NAV3: variants seen among roughly 807,000 people sequenced by gnomAD.
NAV3 encodes the protein pore membrane and/or filament interacting like protein 1.
NAV3 carries 87 observed loss-of-function variants against 244.7 expected under a neutral mutation model. That is an observed-to-expected ratio of 0.36 (90% confidence interval 0.30 to 0.42). The LOEUF is 0.42. NAV3 is among the 20% of genes least tolerant of loss of function. The pLI, the probability that NAV3 is intolerant of heterozygous loss-of-function variation, is 1.00. For synonymous variants in NAV3, 1,126 were observed against 1,042.2 expected (o/e 1.08, Z -1.55); for missense variants, 2,663 against 2,893.3 (o/e 0.92, Z 1.83).
rs2138695548 is a variant in NAV3, at chr12:78,122,229, G to A, written c.4039G>A (p.Ala1347Thr). Reference sequence around the variant, plus strand: ...TTTCACATCAGGTGGTCTCGTGTGGGCTGCCAATATGAGCAGTTCCTCTGC... The same window carrying A: ...TTTCACATCAGGTGGTCTCGTGTGGACTGCCAATATGAGCAGTTCCTCTGC... ...HSFTSGGLVW[A>T]ANMSSSSAGS... is the part of the protein sequence containing the mutation. The change falls in exon 16 of 40, where the codon GCT becomes ACT. Residue 1347 changes from alanine to threonine, a missense_variant. Ala to Thr is a moderately conservative substitution (Grantham distance 58). Transcript: ENST00000397909. The A allele has an allele frequency of 6.2e-7, 1 of 1,614,098 alleles. No individual in the cohort carries two copies. The highest frequency in any genetic ancestry group is 8.5e-7 in the Non-Finnish European group (1 of 1,180,008).
intron 2 of NAV3, among the ~76,000 whole-genome samples, chr12:77,601,909 G>C (rs1565732308): frequency 6.6e-6 from 1 of 151,948 alleles, no homozygotes; most frequent in Non-Finnish European, 1.5e-5. Flanking sequence ...TTGAAGGTAG[G>C]GGATGAAGTT....
chr12:77,951,597 C>A (rs577615518), intron 3 of NAV3, among the ~76,000 whole-genome samples: 2 of 152,274 alleles, frequency 1.3e-5, no homozygotes, highest in South Asian at 4.1e-4. Context: ...ATAAATCATG[C>A]TGCTATAAAG....
chr12:77,707,616 A>G (rs1875890003), intron 2 of NAV3, among the ~76,000 whole-genome samples: 1 of 152,180 alleles, frequency 6.6e-6, no homozygotes, highest in Non-Finnish European at 1.5e-5. Context: ...TTCTAGTTCT[A>G]GATGCTTGAG....
At chr12:77,969,921 A>G (rs527500720) in intron 5 of NAV3, among the ~76,000 whole-genome samples, 3 of 152,214 alleles carry the variant, frequency 2.0e-5, no homozygotes, top group Non-Finnish European at 4.4e-5. Flanking sequence ...CTGAAAGTCA[A>G]TTGATTATAG....
chr12:78,175,144 T>G (rs1958165380), intron 24 of NAV3, among the ~76,000 whole-genome samples, 162 bp from the exon 25 acceptor site: 1 of 151,954 alleles, frequency 6.6e-6, no homozygotes, highest in African/African-American at 2.4e-5. Flanking sequence ...ACAAATATGG[T>G]TGTACTTTAT....
chr12:78,211,588 T>C lies in NAV3; in HGVS notation c.*1071T>C, dbSNP rs895630282. ...ATAACCCAGAAATGCTCTTTGACCG[T>C]CACTTAAAACCTAAGACATGTGGCG... On this transcript the variant is annotated 3_prime_UTR_variant, in exon 40 of 40. Transcript: ENST00000397909. 6.6e-6 allele frequency: 1 copy of C among 152,438 alleles called. No homozygotes were observed. The highest frequency in any genetic ancestry group is 2.4e-5 in the African/African-American group (1 of 41,398). 9.4% of individuals were successfully genotyped at this position (152,438 alleles called of 1,614,324 possible).
At chr12:77,622,846 A>G (rs1871440128) in intron 2 of NAV3, among the ~76,000 whole-genome samples, 1 of 152,164 alleles carries the variant, frequency 6.6e-6, no homozygotes, top group Non-Finnish European at 1.5e-5. Context: ...TCTAGTAAGG[A>G]CATTATCTGG....
In NAV3 at chr12:77,756,705, T is replaced by C. The variant is rs142984578; in HGVS notation, c.73-183614T>C. On this transcript the variant is annotated intron_variant, in intron 2 of 8. Transcript: ENST00000550042. ...TTCTAAATTATTTTTAATTTTCTTA[T>C]TTGAAAGTAAATAGTTTCTAATAAC... is the stretch of plus-strand genomic sequence containing the variant. Among the ~76,000 whole-genome samples the C allele has an allele frequency of 1.7e-3, 256 of 152,346 alleles. 1 individual carries two copies. The highest frequency in any genetic ancestry group is 5.8e-3 in the African/African-American group (242 of 41,578).
intron 18 of NAV3, among the ~76,000 whole-genome samples, chr12:78,129,762 C>T (rs552345423): frequency 6.6e-6 from 1 of 151,894 alleles, no homozygotes; most frequent in African/African-American, 2.4e-5. Flanking sequence ...TTATTAGAGC[C>T]AGAGACGATC....
intron 1 of NAV3, among the ~76,000 whole-genome samples, chr12:77,905,411 A>C (rs1000087978): frequency 6.6e-5 from 10 of 152,092 alleles, no homozygotes; most frequent in Admixed American, 3.3e-4. Flanking sequence ...AATTACTATA[A>C]AATTTTAAAA....
intron 34 of NAV3, among the ~76,000 whole-genome samples, chr12:78,196,338 C>G (rs1475309996): frequency 6.6e-6 from 1 of 151,898 alleles, no homozygotes; most frequent in African/African-American, 2.4e-5. Context: ...TTATTTCCAG[C>G]AGTGGTGTTA....
intron 18 of NAV3, among the ~76,000 whole-genome samples, chr12:78,130,085 A>G (rs561075163): frequency 1.3e-5 from 2 of 152,188 alleles, no homozygotes; most frequent in Non-Finnish European, 2.9e-5. Flanking sequence ...TGAGCCTTGT[A>G]TTTTCCAGGT....
At chr12:78,197,190 G>A in intron 34 of NAV3, 57 bp from the exon 35 acceptor site, 1 of 1,325,312 alleles carries the variant, frequency 7.5e-7, no homozygotes, top group Non-Finnish European at 9.9e-7. Flanking sequence ...AATATTAACT[G>A]CTTCCTATTA....
intron 12 of NAV3, among the ~76,000 whole-genome samples, chr12:78,104,756 C>T (rs1954715622): frequency 6.6e-6 from 1 of 152,082 alleles, no homozygotes; most frequent in African/African-American, 2.4e-5. Flanking sequence ...CAACTGCTAC[C>T]ACAGTCTTCC....
intron 8 of NAV3, 98 bp downstream of exon 8, chr12:78,007,543 G>A (rs767455438): frequency 2.7e-5 from 35 of 1,299,298 alleles, no homozygotes; most frequent in South Asian, 7.8e-5. Context: ...GCTTTATGTC[G>A]TCATTTTGGA....
intron 2 of NAV3, among the ~76,000 whole-genome samples, chr12:77,685,506 C>CACACACACACAT (rs34407806): frequency 0.014 from 2,138 of 150,624 alleles, 19 homozygotes; most frequent in African/African-American, 0.022. Context: ...CACACACACA[C>CACACACACACAT]ATACCCACAC....
intron 2 of NAV3, among the ~76,000 whole-genome samples, chr12:77,771,751 C>T (rs553553929): frequency 1.1e-4 from 17 of 150,552 alleles, no homozygotes; most frequent in South Asian, 8.5e-4. Context: ...CATCACAATC[C>T]GGGGCTGTTG....
At chr12:78,179,416 C>T in intron 28 of NAV3, 113 bp from the exon 29 acceptor site, 1 of 1,279,050 alleles carries the variant, frequency 7.8e-7, no homozygotes, top group Non-Finnish European at 1.1e-6. Context: ...GCCAGCAGCA[C>T]ACCATATCTG....
At chr12:77,961,533 T>C in intron 3 of NAV3, among the ~76,000 whole-genome samples, 1 of 144,612 alleles carries the variant, frequency 6.9e-6, no homozygotes, top group Middle Eastern at 4.0e-3. Flanking sequence ...ACTTTAATAA[T>C]ATATAACTGT....
Sources: gnomAD v4.1 joint callset for allele counts (sites outside exome capture counted in the v4.1 genomes callset) on GRCh38, gnomAD v4.1.1 for gene constraint, MANE v1.5 for transcripts, NCBI Gene and HGNC (gene_info 2026-07-23, HGNC 2026-07-21) for gene names.